FAM184B: variants seen among roughly 807,000 people sequenced by gnomAD.
FAM184B encodes family with sequence similarity 184 member B, also known as protein FAM184B.
FAM184B carries 111 observed loss-of-function variants against 135.9 expected under a neutral mutation model. The ratio of observed to expected loss-of-function variants is 0.82; its 90% CI spans 0.70 to 0.96. FAM184B has a LOEUF of 0.96. Among genes scored for constraint, FAM184B ranks in the 40% least tolerant of loss-of-function variants. FAM184B has a pLI of 0.00. For missense variants in FAM184B, 1,375 were observed against 1,323.9 expected, an observed-to-expected ratio of 1.04 and a Z score of -0.60; for synonymous variants, 552 against 524.8, an observed-to-expected ratio of 1.05 and a Z score of -0.71.
chr4:17,720,898 AAAAAG>A (rs1283312385), intron 1 of FAM184B, among the ~76,000 whole-genome samples: 1 of 151,478 alleles, frequency 6.6e-6, no homozygotes, highest in Non-Finnish European at 1.5e-5. Flanking sequence ...AAAAAAAAAA[AAAAAG>A]AAAGAAAAAA....
intron 1 of FAM184B, among the ~76,000 whole-genome samples, chr4:17,736,911 G>A (rs539842898): frequency 2.6e-5 from 4 of 152,302 alleles, no homozygotes; most frequent in East Asian, 1.9e-4. Context: ...TTGGGAGGCC[G>A]AGGTGGGCAG....
chr4:17,767,111 G>A (rs761411891), intron 1 of FAM184B, among the ~76,000 whole-genome samples: 21 of 152,256 alleles, frequency 1.4e-4, no homozygotes, highest in South Asian at 8.3e-4. Context: ...GTGCGGGGCC[G>A]CCGAGCCAAC....
intron 7 of FAM184B, among the ~76,000 whole-genome samples, chr4:17,673,725 AG>A (rs1266157586): frequency 6.6e-6 from 1 of 152,170 alleles, no homozygotes; most frequent in African/African-American, 2.4e-5. Flanking sequence ...GATGATGCAA[AG>A]GCATAAGAAG....
intron 1 of FAM184B, among the ~76,000 whole-genome samples, chr4:17,737,001 T>C (rs780764979): frequency 6.6e-6 from 1 of 151,978 alleles, no homozygotes; most frequent in African/African-American, 2.4e-5. Context: ...AAAAATTAGC[T>C]GAGTATGGTG....
chr4:17,731,640 T>A (rs1414250998), intron 1 of FAM184B, among the ~76,000 whole-genome samples: 4 of 152,222 alleles, frequency 2.6e-5, no homozygotes, highest in African/African-American at 9.7e-5. Flanking sequence ...ATCCTAAATA[T>A]AAATGCACCC....
intron 7 of FAM184B, 134 bp from the exon 8 acceptor site, chr4:17,664,793 C>T (rs11941874): frequency 0.32 from 215,463 of 671,232 alleles, 38,155 homozygotes; most frequent in Non-Finnish European, 0.36. Flanking sequence ...CTATCGGTGC[C>T]CTGCTTGCAG....
Position 17,642,091 on chromosome 4 carries a change from A to C in FAM184B, c.2484T>G (p.His828Gln). 2 of 1,532,484 alleles carry C rather than the reference A, an allele frequency of 1.3e-6. No individual in the cohort carries two copies. The highest frequency in any genetic ancestry group is 1.2e-5 in the South Asian group (1 of 83,882). 94.9% of individuals were successfully genotyped at this position (1,532,484 alleles called of 1,614,324 possible). A position where few individuals can be genotyped will look rare whatever the true frequency, so the allele number is the denominator to read the frequency against. The change falls in exon 13 of 18, where the codon CAT (histidine) becomes CAG (glutamine). Residue 828 changes from histidine to glutamine, a missense_variant. By Grantham distance (24) the His-to-Gln change is conservative. Transcript: ENST00000265018. ...VRRLRAEVEQ[H>Q]QQEAQKLRDQ... ...CTCGGAGCTTCTGCGCCTCCTGCTG[A>C]TGCTGCTCCACCTCCGCGCGCAGCC...
At chr4:17,778,933 A>G (rs1718981292) in intron 1 of FAM184B, among the ~76,000 whole-genome samples, 1 of 152,236 alleles carries the variant, frequency 6.6e-6, no homozygotes, top group South Asian at 2.1e-4. Context: ...GGGCTGTTAA[A>G]TGAGTAAAAT....
At chr4:17,727,595 G>T (rs1368612846) in intron 1 of FAM184B, among the ~76,000 whole-genome samples, 1 of 152,138 alleles carries the variant, frequency 6.6e-6, no homozygotes, top group African/African-American at 2.4e-5. Flanking sequence ...AAGGTGGCAG[G>T]GGAGAGAGTG....
chr4:17,632,476 A>C lies in FAM184B; in HGVS notation c.*56T>G. The C allele has an allele frequency of 7.4e-7, 1 of 1,360,102 alleles. No individual in the cohort carries two copies. The highest frequency in any genetic ancestry group is 1.5e-5 in the African/African-American group (1 of 68,830). 84.3% of individuals were successfully genotyped at this position (1,360,102 alleles called of 1,614,324 possible). On this transcript the variant is annotated 3_prime_UTR_variant, in exon 18 of 18. Coordinates refer to ENST00000265018, the MANE Select transcript of FAM184B (RefSeq NM_015688.2). The stretch of plus-strand genomic sequence containing the variant: ...GGTGTTAGTTCATTCCTTCAATCGG[A>C]TGATTTAAAATAAATGTTTTTCAAG...
chr4:17,650,283 G>A (rs1188124192), intron 11 of FAM184B, among the ~76,000 whole-genome samples: 1 of 152,092 alleles, frequency 6.6e-6, no homozygotes, highest in Non-Finnish European at 1.5e-5. Context: ...TAGTATTGCA[G>A]GTCAGTTGTG....
chr4:17,727,654 C>A (rs1002661482), intron 1 of FAM184B, among the ~76,000 whole-genome samples: 7 of 152,042 alleles, frequency 4.6e-5, no homozygotes, highest in African/African-American at 1.7e-4. Context: ...TGTGAGAACT[C>A]CTTCATTTTC....
chr4:17,779,467 T>A (rs1334824182), intron 1 of FAM184B, among the ~76,000 whole-genome samples: 1 of 152,252 alleles, frequency 6.6e-6, no homozygotes, highest in Non-Finnish European at 1.5e-5. Context: ...GAATCATGTA[T>A]GCCTTCTATA....
rs1171714512 is a variant in FAM184B at position 17,705,727 on chromosome 4, T to A, written c.1170+25A>T. On this transcript the variant is annotated intron_variant, in intron 4 of 17. Transcript: ENST00000265018. The stretch of plus-strand genomic sequence containing the variant: ...AGCAAAGCTCTCTGTGCCTTCTCCA[T>A]CCCCAGGGCTGGGTCAGACACTACC... 5.2e-6 allele frequency: 8 copies of A among 1,550,816 alleles called. No homozygotes were observed. The East Asian group carries it at 1.7e-4, about 33-fold the overall frequency.
Position 17,708,519 on chromosome 4 carries a change from C to T in FAM184B, c.894+373G>A, listed in dbSNP as rs112951094. Reference sequence around the variant, plus strand: ...AATTAGCTGGGTATGGTGGTGGGCACTTGTATTCCCAGCTACTAGGGAGAC... The same window carrying T: ...AATTAGCTGGGTATGGTGGTGGGCATTTGTATTCCCAGCTACTAGGGAGAC... On this transcript the variant is annotated intron_variant, in intron 2 of 17. Coordinates refer to ENST00000265018, the MANE Select transcript of FAM184B (RefSeq NM_015688.2). 4.4e-3 allele frequency among the ~76,000 whole-genome samples: 665 copies of T among 151,156 alleles called. 3 individuals are homozygous for T. Among genetic ancestry groups the T allele is most frequent in the African/African-American group, 0.015 (616 of 41,110 alleles).
chr4:17,669,097 T>C (rs1192914445), intron 7 of FAM184B, among the ~76,000 whole-genome samples: 4 of 152,228 alleles, frequency 2.6e-5, no homozygotes, highest in Non-Finnish European at 4.4e-5. Flanking sequence ...CCCTCTTTAC[T>C]CTATGTAACT....
At chr4:17,767,129 C>G (rs546483574) in intron 1 of FAM184B, among the ~76,000 whole-genome samples, 9 of 152,160 alleles carry the variant, frequency 5.9e-5, no homozygotes, top group Non-Finnish European at 1.0e-4. Flanking sequence ...AACGCCCACC[C>G]GGAACTCGCG....
intron 13 of FAM184B, among the ~76,000 whole-genome samples, chr4:17,640,512 GCA>G (rs1358026944): frequency 6.7e-6 from 1 of 148,588 alleles, no homozygotes; most frequent in Non-Finnish European, 1.5e-5. Flanking sequence ...AAATGAACAA[GCA>G]CAGTCAAGGC....
At chr4:17,636,453 A>AAGTGAACGCCCCTCCCGGGGGAGCCCGC (rs1715138942) in intron 15 of FAM184B, 75 bp downstream of exon 15, 2 of 1,115,196 alleles carry the variant, frequency 1.8e-6, no homozygotes, top group Admixed American at 4.0e-5. Flanking sequence ...TGCTGGGTGC[A>AAGTGAACGCCCCTCCCGGGGGAGCCCGC]AGTGAACGCC....
Sources: gnomAD v4.1 joint callset for allele counts (sites outside exome capture counted in the v4.1 genomes callset) on GRCh38, gnomAD v4.1.1 for gene constraint, MANE v1.5 for transcripts, NCBI Gene and HGNC (gene_info 2026-07-23, HGNC 2026-07-21) for gene names.